The following XPNPEP3 variants were observed in gnomAD, a reference collection of about 807,000 sequenced individuals.
XPNPEP3 encodes the protein xaa-Pro aminopeptidase 3.
A neutral mutation model predicts 60.0 loss-of-function variants in XPNPEP3; 41 were observed. That is an observed-to-expected ratio of 0.68 (90% CI 0.53 to 0.89). The LOEUF (loss-of-function observed/expected upper bound fraction) is 0.89. XPNPEP3 is among the 40% of genes least tolerant of loss of function. The pLI is 0.00. For synonymous variants in XPNPEP3, 212 were observed against 223.2 expected, an observed-to-expected ratio of 0.95 and a Z score of 0.45; for missense variants, 598 against 638.9, an observed-to-expected ratio of 0.94 and a Z score of 0.69.
chr22:40,873,672 C>T (rs2058016746), intron 2 of XPNPEP3, among the ~76,000 whole-genome samples: 1 of 151,974 alleles, frequency 6.6e-6, no homozygotes, highest in African/African-American at 2.4e-5. Context: ...CTAGCTACGC[C>T]TATAATCCCA....
At chr22:40,926,242 C>T in intron 9 of XPNPEP3, 27 bp from the exon 10 acceptor site, 1 of 1,613,918 alleles carries the variant, frequency 6.2e-7, no homozygotes, top group Non-Finnish European at 8.5e-7. Context: ...CATTCCTGAA[C>T]AGCATGTTCT....
chr22:40,880,779 C>T (rs1377715601), intron 2 of XPNPEP3, among the ~76,000 whole-genome samples: 1 of 146,364 alleles, frequency 6.8e-6, no homozygotes, highest in East Asian at 2.0e-4. Flanking sequence ...GATAGCGAGA[C>T]TCCCTCTCAA....
intron 6 of XPNPEP3, among the ~76,000 whole-genome samples, chr22:40,909,990 T>C (rs1314088070): frequency 1.3e-5 from 2 of 151,956 alleles, no homozygotes; most frequent in African/African-American, 4.8e-5. Context: ...GAACATATCT[T>C]CTATGATTTT....
Position 40,861,035 on chromosome 22 carries a change from G to A in XPNPEP3, c.64+3790G>A, listed in dbSNP as rs752588327. On this transcript the variant is annotated intron_variant, in intron 1 of 9. Transcript: ENST00000357137. ...GATTAACCAAAACACACACAATTGT[G>A]TTCAAATGTTATATATTTGAAGAGT... is the stretch of plus-strand genomic sequence containing the variant. 15 of 1,537,120 alleles carry A rather than the reference G, an allele frequency of 9.8e-6. 1 individual carries two copies. The Admixed American group carries it at 3.1e-4, about 31-fold the overall frequency.
At chr22:40,873,366 G>A (rs2058015294) in intron 2 of XPNPEP3, among the ~76,000 whole-genome samples, 1 of 151,570 alleles carries the variant, frequency 6.6e-6, no homozygotes, top group Admixed American at 6.6e-5. Flanking sequence ...GCCTCCCAAA[G>A]TGCTGGGATT....
chr22:40,903,250 A>G (rs1371026090), intron 4 of XPNPEP3, among the ~76,000 whole-genome samples: 3 of 152,118 alleles, frequency 2.0e-5, no homozygotes, highest in African/African-American at 7.2e-5. Context: ...GCACACAAAC[A>G]TTTCAGGCCT....
chr22:40,922,478 A>T lies in XPNPEP3; in HGVS notation c.1201A>T (p.Ile401Phe). 1 of 1,614,058 alleles carries T rather than the reference A, an allele frequency of 6.2e-7. No homozygotes were observed. Among genetic ancestry groups the T allele is most frequent in the Non-Finnish European group, 8.5e-7 (1 of 1,179,996 alleles). Residue 401 changes from isoleucine (I) to phenylalanine (F), a missense_variant, in exon 8 of 10, where the codon ATC becomes TTC. Coordinates refer to ENST00000357137, the MANE Select transcript of XPNPEP3 (RefSeq NM_022098.4). ...AGGACAGAAGCTTAAAGACTTGGGG[A>T]TCATGAAGAACATTAAGGAAAATAA... ...LIGQKLKDLG[I>F]MKNIKENNAF...
At chr22:40,896,568 A>G (rs576953920) in intron 4 of XPNPEP3, among the ~76,000 whole-genome samples, 226 of 151,810 alleles carry the variant, frequency 1.5e-3, no homozygotes, top group Admixed American at 3.7e-3. Flanking sequence ...TGGGAGGTGG[A>G]GGTTGCAGTG....
At position 40,857,260 on chromosome 22, in the gene XPNPEP3, C is replaced by G. The variant is rs769573944; in HGVS notation, c.64+15C>G. 160 of 1,613,842 alleles carry G rather than the reference C, an allele frequency of 9.9e-5. No individual in the cohort carries two copies. The highest frequency in any genetic ancestry group is 1.3e-4 in the Non-Finnish European group (158 of 1,179,948). ...CGGCCTCTCAGGTTAGACTCTTCTCCCACGGTCTCCTCCCATGGTGTCCCC... is the reference window on the plus strand; with the variant it reads ...CGGCCTCTCAGGTTAGACTCTTCTCGCACGGTCTCCTCCCATGGTGTCCCC... On this transcript the variant is annotated intron_variant, in intron 1 of 9. Transcript: ENST00000357137.
chr22:40,866,137 C>A (rs536470434), intron 1 of XPNPEP3, among the ~76,000 whole-genome samples: 20 of 152,140 alleles, frequency 1.3e-4, no homozygotes, highest in South Asian at 8.3e-4. Context: ...AAGAATTATT[C>A]TTAATTCCTC....
chr22:40,864,989 C>T lies in XPNPEP3; in HGVS notation c.65-4010C>T, dbSNP rs186982341. Among the ~76,000 whole-genome samples the T allele has an allele frequency of 2.6e-5, 4 of 152,306 alleles. No homozygotes were observed. In the East Asian group the frequency reaches 5.8e-4, roughly 22 times the overall value. ...TAGGAAATTCTGCTCTTAAGAAATT[C>T]ATATAGTTTGAAAAAACTAATTTCA... On this transcript the variant is annotated intron_variant, in intron 1 of 9. Transcript: ENST00000357137.
At chr22:40,894,115 G>A (rs934480768) in intron 4 of XPNPEP3, among the ~76,000 whole-genome samples, 1 of 152,140 alleles carries the variant, frequency 6.6e-6, no homozygotes, top group South Asian at 2.1e-4. Flanking sequence ...AGAAGCTATA[G>A]TAGACTATGA....
intron 5 of XPNPEP3, among the ~76,000 whole-genome samples, chr22:40,908,216 CAA>C (rs746198782): frequency 6.3e-5 from 8 of 127,232 alleles, no homozygotes; most frequent in Non-Finnish European, 1.0e-4. Context: ...AAGACTGTTT[CAA>C]AAAAAAAAAA....
At chr22:40,902,297 C>T (rs1171749037) in intron 4 of XPNPEP3, among the ~76,000 whole-genome samples, 1 of 136,384 alleles carries the variant, frequency 7.3e-6, no homozygotes, top group Admixed American at 8.2e-5. Flanking sequence ...GTCGCCGAGG[C>T]TGGAGTGCAG....
At chr22:40,870,740 C>T (rs1213310753) in intron 2 of XPNPEP3, among the ~76,000 whole-genome samples, 1 of 151,938 alleles carries the variant, frequency 6.6e-6, no homozygotes, top group Admixed American at 6.6e-5. Flanking sequence ...TAAAAGGGGC[C>T]GGGCGCAGTG....
intron 4 of XPNPEP3, among the ~76,000 whole-genome samples, chr22:40,905,940 C>T (rs573753062): frequency 1.3e-5 from 2 of 152,140 alleles, no homozygotes; most frequent in African/African-American, 4.8e-5. Context: ...TACAGGTGCA[C>T]ACCACCATAC....
intron 5 of XPNPEP3, among the ~76,000 whole-genome samples, chr22:40,908,845 G>A (rs2058166048): frequency 6.6e-6 from 1 of 151,956 alleles, no homozygotes; most frequent in African/African-American, 2.4e-5. Context: ...GAAATTTAGA[G>A]AACACTAAAG....
intron 1 of XPNPEP3, chr22:40,862,384 T>C (rs572117832): frequency 1.0e-6 from 1 of 995,526 alleles, no homozygotes; most frequent in East Asian, 1.1e-4. Context: ...CCTTGCATAA[T>C]ATGACCTCTA....
chr22:40,871,989 C>T (rs1418582021), intron 2 of XPNPEP3, among the ~76,000 whole-genome samples: 1 of 152,112 alleles, frequency 6.6e-6, no homozygotes, highest in South Asian at 2.1e-4. Context: ...GCTGAGATCA[C>T]GCCATTGCAC....
Sources: gnomAD v4.1 joint callset for allele counts (sites outside exome capture counted in the v4.1 genomes callset) on GRCh38, gnomAD v4.1.1 for gene constraint, MANE v1.5 for transcripts, NCBI Gene and HGNC (gene_info 2026-07-23, HGNC 2026-07-21) for gene names.